NPEPL1: variants seen among roughly 807,000 people sequenced by gnomAD.
NPEPL1 encodes probable aminopeptidase NPEPL1.
Under a neutral mutation model 52.4 loss-of-function variants are expected in NPEPL1, and 45 were observed. The observed-to-expected ratio is 0.86, with a 90% CI of 0.68 to 1.10. The LOEUF is 1.10. Among genes scored for constraint, NPEPL1 ranks in the 50% least tolerant of loss-of-function variants. NPEPL1 has a pLI of 0.00. For missense variants in NPEPL1, 696 were observed against 710.9 expected (o/e 0.98, Z 0.24); for synonymous variants, 360 against 314.7 (o/e 1.14, Z -1.52).
At position 58,714,550 on chromosome 20, in the gene NPEPL1, G is replaced by T. The variant is rs1432620985; in HGVS notation, c.1303-10G>T. Reference sequence around the variant, plus strand: ...AACCCACAGGCACTGTGTCCTCCTGGCCTCCCTAGGACCGAGACAACAGCC... The same window carrying T: ...AACCCACAGGCACTGTGTCCTCCTGTCCTCCCTAGGACCGAGACAACAGCC... On this transcript the variant is annotated splice_polypyrimidine_tract_variant and intron_variant, in intron 10 of 11. Transcript: ENST00000356091. The T allele has an allele frequency of 1.9e-6, 3 of 1,561,702 alleles. No individual in the cohort carries two copies. The highest frequency in any genetic ancestry group is 2.7e-5 in the African/African-American group (2 of 73,696).
At chr20:58,692,405 CCTGGGGATCAAAAGCAG>C (rs2084366683), upstream of NPEPL1, among the ~76,000 whole-genome samples, 1 of 152,162 alleles carries the variant, frequency 6.6e-6, no homozygotes, top group African/African-American at 2.4e-5. This position sits in a 1 kb window ranked among gnomAD's most constrained non-coding sequence, Gnocchi z 5.7. Flanking sequence ...GTGCGGGGTC[CCTGGGGATCAAAAGCAG>C]CTGCTAAGGG....
intron 3 of NPEPL1, among the ~76,000 whole-genome samples, chr20:58,696,869 C>T (rs559988595): frequency 2.0e-5 from 3 of 152,242 alleles, no homozygotes; most frequent in Non-Finnish European, 2.9e-5. Flanking sequence ...AGTGGCTCAC[C>T]GGGGCCACGG....
chr20:58,693,733 C>G lies in NPEPL1; in HGVS notation c.151-4C>G. 1 of 1,599,198 alleles carries G rather than the reference C, an allele frequency of 6.3e-7. No individual in the cohort carries two copies. Among genetic ancestry groups the G allele is most frequent in the Non-Finnish European group, 8.6e-7 (1 of 1,168,890 alleles). On this transcript the variant is annotated splice_region_variant and splice_polypyrimidine_tract_variant and intron_variant, in intron 1 of 11. Transcript: ENST00000356091. ...CTGTGTCTTGTCTCTCCCTTCTGAT[C>G]TAGCTCTGGCAGGCTGCCCTGAGCA...
chr20:58,708,568 G>A (rs1308414910), intron 7 of NPEPL1, among the ~76,000 whole-genome samples: 1 of 151,900 alleles, frequency 6.6e-6, no homozygotes, highest in African/African-American at 2.4e-5. Flanking sequence ...GAGCCTGTCG[G>A]AAGAGGCTGG....
Position 58,701,058 on chromosome 20 carries a change from T to C in NPEPL1, c.722T>C (p.Leu241Pro). 1.3e-6 allele frequency: 2 copies of C among 1,596,210 alleles called. No individual in the cohort carries two copies. The highest frequency in any genetic ancestry group is 1.7e-6 in the Non-Finnish European group (2 of 1,172,332). Residue 241 changes from leucine (L) to proline (P), a missense_variant, in exon 6 of 12, where the codon CTG becomes CCG. Transcript: ENST00000356091. ...VGKAALHPPALAVLSHTPDGA... is the reference protein window; with the variant it reads ...VGKAALHPPAPAVLSHTPDGA... ...AAAGCCGCCCTGCATCCCCCAGCCC[T>C]GGCCGTCCTCAGCCACACCCCAGAT...
chr20:58,695,774 A>G (rs2084475995), intron 3 of NPEPL1, among the ~76,000 whole-genome samples: 1 of 152,322 alleles, frequency 6.6e-6, no homozygotes, highest in South Asian at 2.1e-4. Context: ...AGCTTTTAAA[A>G]AAGTCTAACT....
intron 6 of NPEPL1, chr20:58,704,080 G>A: frequency 2.0e-6 from 2 of 985,424 alleles, no homozygotes; most frequent in South Asian, 9.4e-5. Context: ...ACTGTGTGGA[G>A]TGGGCGCTGA....
At position 58,713,378 on chromosome 20, in the gene NPEPL1, A is replaced by G; in HGVS notation, c.1002-42A>G. 1.3e-6 allele frequency: 2 copies of G among 1,548,412 alleles called. No homozygotes were observed. Among genetic ancestry groups the G allele is most frequent in the South Asian group, 1.2e-5 (1 of 83,472 alleles). ...TCAAAGGGGCTCATGCCAGTGTCCC[A>G]GGAAATCCCGTCCCTGAGCGGGGAT... On this transcript the variant is annotated intron_variant, in intron 8 of 11. Transcript: ENST00000356091. The surrounding 1 kb of genome is among the most constrained non-coding windows in gnomAD (Gnocchi z 4.6).
intron 3 of NPEPL1, among the ~76,000 whole-genome samples, chr20:58,695,148 G>GTGTTGCTGT (rs1568847805): frequency 1.7e-5 from 1 of 57,386 alleles, no homozygotes; most frequent in Admixed American, 1.8e-4. Context: ...GTGTGTGTGT[G>GTGTTGCTGT]GTGTGCATGT....
chr20:58,715,018 G>C (rs974084986), intron 11 of NPEPL1, 150 bp from the exon 12 acceptor site: 1 of 886,254 alleles, frequency 1.1e-6, no homozygotes, highest in East Asian at 2.7e-5. Context: ...AGCATGGAAG[G>C]CTCTGGGCTC....
Position 58,692,934 on chromosome 20 carries a change from G to T in NPEPL1, c.34G>T (p.Ala12Ser). Reference sequence around the variant, plus strand: ...CGTGGGGCTGCAGTTCCAGGCGAGCGCGGGGGACTCGGACCCACAGAGCCG... The same window carrying T: ...CGTGGGGCTGCAGTTCCAGGCGAGCTCGGGGGACTCGGACCCACAGAGCCG... The part of the protein sequence containing the change: ...ANVGLQFQAS[A>S]GDSDPQSRPL... Residue 12 changes from alanine (A) to serine (S), a missense_variant, in exon 1 of 12, where the codon GCG becomes TCG. Physicochemically the swap from Ala to Ser is moderately conservative, Grantham distance 99. Coordinates refer to ENST00000356091, the MANE Select transcript of NPEPL1 (RefSeq NM_024663.4). The surrounding 1 kb of genome is among the most constrained non-coding windows in gnomAD (Gnocchi z 5.7). 1 of 1,139,802 alleles carries T rather than the reference G, an allele frequency of 8.8e-7. No homozygotes were observed. Among genetic ancestry groups the T allele is most frequent in the East Asian group, 5.2e-5 (1 of 19,394 alleles). The allele number at this position is 1,139,802 out of a possible 1,614,324, so 70.6% of individuals were successfully genotyped here.
chr20:58,706,595 C>T (rs1421969620), intron 6 of NPEPL1, among the ~76,000 whole-genome samples: 1 of 152,178 alleles, frequency 6.6e-6, no homozygotes, highest in East Asian at 1.9e-4. Flanking sequence ...CACGCAAGCC[C>T]ACCCAGGTCC....
Position 58,713,080 on chromosome 20 carries a change from C to G in NPEPL1, c.1002-340C>G, listed in dbSNP as rs2084886465. On this transcript the variant is annotated intron_variant, in intron 8 of 11. Coordinates refer to ENST00000356091, the MANE Select transcript of NPEPL1 (RefSeq NM_024663.4). This position sits in a 1 kb window ranked among gnomAD's most constrained non-coding sequence, Gnocchi z 4.6. ...TCCCCGCATCTCCTGCTCTTCCTCCCCATCTGCCGGGTGCCAGGCACAGTG... is the reference window on the plus strand; with the variant it reads ...TCCCCGCATCTCCTGCTCTTCCTCCGCATCTGCCGGGTGCCAGGCACAGTG... 2.8e-6 allele frequency: 1 copy of G among 362,102 alleles called. No homozygotes were observed. Among genetic ancestry groups the G allele is most frequent in the African/African-American group, 2.1e-5 (1 of 48,384 alleles). 22.4% of individuals were successfully genotyped at this position (362,102 alleles called of 1,614,324 possible). A position where few individuals can be genotyped will look rare whatever the true frequency, so the allele number is the denominator to read the frequency against.
chr20:58,702,227 G>A (rs1207744760), intron 6 of NPEPL1, among the ~76,000 whole-genome samples: 2 of 152,246 alleles, frequency 1.3e-5, no homozygotes, highest in Non-Finnish European at 2.9e-5. Context: ...TGTGCACTCA[G>A]AAGGTCTGCC....
At chr20:58,704,091 G>A (rs1055740129) in intron 6 of NPEPL1, 2 of 985,284 alleles carry the variant, frequency 2.0e-6, no homozygotes, top group African/African-American at 1.7e-5. Flanking sequence ...TGGGCGCTGA[G>A]GCTCCAGCCA....
intron 6 of NPEPL1, 88 bp downstream of exon 6, chr20:58,701,246 G>T (rs1486533308): frequency 3.7e-5 from 11 of 300,372 alleles, no homozygotes; most frequent in African/African-American, 9.0e-5. Flanking sequence ...TGCCCTGGGG[G>T]TGGGGTGGGG....
intron 3 of NPEPL1, among the ~76,000 whole-genome samples, chr20:58,696,450 T>A (rs1023485681): frequency 5.9e-5 from 9 of 152,172 alleles, no homozygotes; most frequent in African/African-American, 2.2e-4. Flanking sequence ...AGGGACCTGG[T>A]CTTGTGCACA....
At chr20:58,712,658 C>T (rs781045040) in intron 8 of NPEPL1, 79 bp downstream of exon 8, 1 of 1,038,074 alleles carries the variant, frequency 9.6e-7, no homozygotes. Flanking sequence ...CAGCTCACTC[C>T]AGGCATATCG....
chr20:58,706,031 A>T (rs1259768337), intron 6 of NPEPL1, among the ~76,000 whole-genome samples: 1 of 152,246 alleles, frequency 6.6e-6, no homozygotes, highest in Non-Finnish European at 1.5e-5. Flanking sequence ...GATTCAGTAA[A>T]TTTCATACCC....
Sources: allele counts gnomAD v4.1 joint callset (sites outside exome capture counted in the v4.1 genomes callset), GRCh38; gene constraint gnomAD v4.1.1; non-coding constraint Gnocchi (gnomAD v3.1); transcripts MANE v1.5; gene names NCBI Gene and HGNC (gene_info 2026-07-23, HGNC 2026-07-21).